The following RBFOX1 variants were observed in gnomAD, a reference collection of about 807,000 sequenced individuals.
RBFOX1 encodes the protein RNA binding fox-1 homolog 1.
Under a neutral mutation model 57.7 loss-of-function variants are expected in RBFOX1, and 8 were observed. That is an observed-to-expected ratio of 0.14 (90% CI 0.08 to 0.25). The LOEUF is 0.25. RBFOX1 is among the 10% of genes least tolerant of loss of function. The pLI, the probability that RBFOX1 is intolerant of heterozygous loss-of-function variation, is 1.00. For missense variants in RBFOX1, 611 were observed against 548.5 expected (o/e 1.11, Z -1.14); for synonymous variants, 326 against 222.4 (o/e 1.47, Z -4.15).
intron 1 of RBFOX1, among the ~76,000 whole-genome samples, chr16:5,402,629 T>A (rs756826140): frequency 2.0e-4 from 30 of 152,250 alleles, no homozygotes; most frequent in Admixed American, 1.8e-3. Context: ...GATTCGCAAG[T>A]AATTATTTCG....
At chr16:6,488,556 T>G (rs1487711624) in intron 2 of RBFOX1, among the ~76,000 whole-genome samples, 2 of 152,198 alleles carry the variant, frequency 1.3e-5, no homozygotes, top group Non-Finnish European at 2.9e-5. Context: ...TTTTCAAGAC[T>G]TTTTATAATT....
At chr16:5,405,580 A>G (rs1596892268) in intron 1 of RBFOX1, among the ~76,000 whole-genome samples, 1 of 152,218 alleles carries the variant, frequency 6.6e-6, no homozygotes, top group South Asian at 2.1e-4. Context: ...ACTGTTGGAC[A>G]TTAGAATACT....
chr16:7,593,093 G>A (rs928915539), intron 7 of RBFOX1, among the ~76,000 whole-genome samples: 1 of 151,916 alleles, frequency 6.6e-6, no homozygotes, highest in African/African-American at 2.4e-5. Context: ...TGCATTACAG[G>A]TGTGAGCCAC....
intron 4 of RBFOX1, among the ~76,000 whole-genome samples, chr16:7,356,247 C>G (rs905377121): frequency 6.6e-6 from 1 of 152,168 alleles, no homozygotes; most frequent in Non-Finnish European, 1.5e-5. Context: ...TTTTACGGGA[C>G]TTAGATTCTA....
chr16:5,474,408 C>G (rs1001734963), intron 2 of RBFOX1, among the ~76,000 whole-genome samples: 15 of 152,218 alleles, frequency 9.9e-5, no homozygotes, highest in Non-Finnish European at 2.1e-4. Context: ...GATCCCAGCA[C>G]TTTGGGAGGC....
At chr16:7,020,108 C>T (rs2094131093) in intron 3 of RBFOX1, among the ~76,000 whole-genome samples, 7 of 152,070 alleles carry the variant, frequency 4.6e-5, no homozygotes, top group Admixed American at 4.6e-4. Context: ...AAGGTATTTA[C>T]TACAATTGTC....
At chr16:6,607,578 CCTGTCTCCCTCCT>C (rs2097957102) in intron 2 of RBFOX1, among the ~76,000 whole-genome samples, 1 of 148,510 alleles carries the variant, frequency 6.7e-6, no homozygotes, top group African/African-American at 2.5e-5. Context: ...CTCTCTCCGT[CCTGTCTCCCTCCT>C]CTCTCTCTCT....
chr16:7,301,664 T>C (rs1246299237), intron 4 of RBFOX1, among the ~76,000 whole-genome samples: 1 of 152,194 alleles, frequency 6.6e-6, no homozygotes, highest in Non-Finnish European at 1.5e-5. Context: ...TTATGTATCA[T>C]GTTTCTTATG....
At chr16:6,716,597 G>T (rs2064871615) in intron 3 of RBFOX1, among the ~76,000 whole-genome samples, 1 of 152,188 alleles carries the variant, frequency 6.6e-6, no homozygotes, top group Non-Finnish European at 1.5e-5. Flanking sequence ...TCAGGCGATT[G>T]CCTGAGTCCT....
intron 1 of RBFOX1, among the ~76,000 whole-genome samples, chr16:5,399,653 C>G (rs566587487): frequency 1.3e-5 from 2 of 151,938 alleles, no homozygotes; most frequent in Non-Finnish European, 2.9e-5. Context: ...GGAGGATTAC[C>G]TGAGCACAGG....
chr16:5,915,099 A>C (rs2058677547), intron 4 of RBFOX1, among the ~76,000 whole-genome samples: 1 of 152,142 alleles, frequency 6.6e-6, no homozygotes, highest in African/African-American at 2.4e-5. Context: ...GGTGGAAACC[A>C]CTGTGGATAT....
chr16:7,410,830 C>CATGTGTGT (rs1397358392), intron 4 of RBFOX1, among the ~76,000 whole-genome samples: 3 of 150,344 alleles, frequency 2.0e-5, no homozygotes, highest in African/African-American at 7.4e-5. Flanking sequence ...TGAGTTTTCA[C>CATGTGTGT]GTGTGTGTGT....
chr16:5,812,148 C>G (rs1748164711), intron 3 of RBFOX1, among the ~76,000 whole-genome samples: 1 of 152,178 alleles, frequency 6.6e-6, no homozygotes, highest in South Asian at 2.1e-4. Flanking sequence ...CGGTCATGTT[C>G]CACTGTATGG....
At chr16:7,311,478 C>CTTTTTTTTTTTTTTTT (rs1190746565) in intron 4 of RBFOX1, among the ~76,000 whole-genome samples, 1 of 122,522 alleles carries the variant, frequency 8.2e-6, no homozygotes, top group Non-Finnish European at 1.6e-5. Context: ...TGAGCCTTTT[C>CTTTTTTTTTTTTTTTT]TTTTTTTTTT....
At chr16:5,832,861 A>G (rs1174054557) in intron 3 of RBFOX1, among the ~76,000 whole-genome samples, 2 of 152,112 alleles carry the variant, frequency 1.3e-5, no homozygotes, top group African/African-American at 4.8e-5. Context: ...GAGTTATTTG[A>G]AGGTTTGCTG....
At chr16:6,987,995 C>G (rs192518455) in intron 3 of RBFOX1, among the ~76,000 whole-genome samples, 2 of 151,954 alleles carry the variant, frequency 1.3e-5, no homozygotes, top group Non-Finnish European at 2.9e-5. Context: ...CTTATATAGT[C>G]GTCATCATGG....
At chr16:7,622,046 G>A (rs770278232) in intron 10 of RBFOX1, among the ~76,000 whole-genome samples, 3 of 152,138 alleles carry the variant, frequency 2.0e-5, no homozygotes, top group Non-Finnish European at 4.4e-5. Flanking sequence ...ATCGTAAAAA[G>A]CATTCCTAGC....
At chr16:6,339,176 G>A (rs546947341) in intron 2 of RBFOX1, among the ~76,000 whole-genome samples, 2 of 152,328 alleles carry the variant, frequency 1.3e-5, no homozygotes, top group Non-Finnish European at 2.9e-5. Flanking sequence ...GCTGAGGAAG[G>A]CCAAGTTGAC....
chr16:5,590,940 C>T (rs1481399244), intron 2 of RBFOX1, among the ~76,000 whole-genome samples: 1 of 152,026 alleles, frequency 6.6e-6, no homozygotes, highest in African/African-American at 2.4e-5. Context: ...AGCATTTCTG[C>T]ATTCAGACCA....
Sources: gnomAD v4.1 joint callset for allele counts (sites outside exome capture counted in the v4.1 genomes callset) on GRCh38, gnomAD v4.1.1 for gene constraint, MANE v1.5 for transcripts, NCBI Gene and HGNC (gene_info 2026-07-23, HGNC 2026-07-21) for gene names.